SUPT5H: variants seen among roughly 807,000 people sequenced by gnomAD.
SUPT5H encodes transcription elongation factor SPT5.
SUPT5H carries 24 observed loss-of-function variants against 142.5 expected under a neutral mutation model. The ratio of observed to expected loss-of-function variants is 0.17; its 90% CI spans 0.12 to 0.24. The LOEUF is 0.24. SUPT5H is among the 10% of genes least tolerant of loss of function. SUPT5H has a pLI of 1.00. For synonymous variants in SUPT5H, 546 were observed against 553.0 expected, an observed-to-expected ratio of 0.99 and a Z score of 0.18; for missense variants, 893 against 1,471.8, an observed-to-expected ratio of 0.61 and a Z score of 6.43.
Position 39,466,756 on chromosome 19 carries a change from T to C in SUPT5H, c.1037+11T>C, listed in dbSNP as rs766394627. 1.2e-6 allele frequency: 2 copies of C among 1,614,074 alleles called. No individual in the cohort carries two copies. The highest frequency in any genetic ancestry group is 2.2e-5 in the East Asian group (1 of 44,872). The stretch of plus-strand genomic sequence containing the variant: ...TGCTGAGAAGATCAGGTGCGTGTCC[T>C]TGGGGACTGGCTGGGCTGGGTCCCC... On this transcript the variant is annotated intron_variant, in intron 13 of 29. Coordinates refer to ENST00000432763, the MANE Select transcript of SUPT5H (RefSeq NM_001111020.3). The surrounding 1 kb of genome is among the most constrained non-coding windows in gnomAD (Gnocchi z 4.3).
At position 39,466,596 on chromosome 19, in the gene SUPT5H, G is replaced by T. The variant is rs4803243; in HGVS notation, c.966+27G>T. 56 of 1,613,500 alleles carry T rather than the reference G, an allele frequency of 3.5e-5. No individual in the cohort carries two copies. The highest frequency in any genetic ancestry group is 4.6e-5 in the Non-Finnish European group (54 of 1,179,552). ...TACTCAGGGGAATCTGTGGCCTGGG[G>T]GGGAGGGAGTGTGCTCGATCCCACT... On this transcript the variant is annotated intron_variant, in intron 12 of 29. Coordinates refer to ENST00000432763, the MANE Select transcript of SUPT5H (RefSeq NM_001111020.3). This position sits in a 1 kb window ranked among gnomAD's most constrained non-coding sequence, Gnocchi z 4.3.
intron 3 of SUPT5H, among the ~76,000 whole-genome samples, chr19:39,454,071 C>G (rs2146082230): frequency 6.6e-6 from 1 of 152,254 alleles, no homozygotes; most frequent in East Asian, 1.9e-4. Context: ...TGTAGGTAGT[C>G]TGAGAATCTA....
At chr19:39,464,753 C>G in intron 10 of SUPT5H, 45 bp from the exon 11 acceptor site, 1 of 1,549,192 alleles carries the variant, frequency 6.5e-7, no homozygotes, top group Non-Finnish European at 8.7e-7. Flanking sequence ...CTGTTATTAG[C>G]CGTTGTGTCT....
intron 13 of SUPT5H, 27 bp from the exon 14 acceptor site, chr19:39,468,729 A>C (rs772599721): frequency 1.2e-6 from 2 of 1,601,476 alleles, no homozygotes; most frequent in Admixed American, 1.7e-5. Flanking sequence ...TCTCCCTTCT[A>C]ATCTTCTCTC....
chr19:39,447,382 C>G (rs2078967132), intron 2 of SUPT5H, among the ~76,000 whole-genome samples: 2 of 151,714 alleles, frequency 1.3e-5, no homozygotes, highest in South Asian at 4.2e-4. Flanking sequence ...TACCTCTGTT[C>G]CAGGAACCAA....
At position 39,458,051 on chromosome 19, in the gene SUPT5H, T is replaced by G; in HGVS notation, c.308-243T>G. The G allele has an allele frequency of 1.3e-6, 1 of 743,196 alleles. No homozygotes were observed. Among genetic ancestry groups the G allele is most frequent in the Non-Finnish European group, 2.2e-6 (1 of 461,544 alleles). The allele number at this position is 743,196 out of a possible 1,614,324, so 46.0% of individuals were successfully genotyped here. A position where few individuals can be genotyped will look rare whatever the true frequency, so the allele number is the denominator to read the frequency against. ...AGATACCCCCCACTTCCTGGGCCAG[T>G]GCCCCCCTTTCCCCGTTATTTTCCG... On this transcript the variant is annotated intron_variant, in intron 4 of 29. Coordinates refer to ENST00000432763, the MANE Select transcript of SUPT5H (RefSeq NM_001111020.3). The surrounding 1 kb of genome is among the most constrained non-coding windows in gnomAD (Gnocchi z 4.2).
chr19:39,448,097 T>C (rs2078975804), intron 2 of SUPT5H, among the ~76,000 whole-genome samples: 1 of 152,226 alleles, frequency 6.6e-6, no homozygotes, highest in Non-Finnish European at 1.5e-5. Flanking sequence ...GGGAATTTTC[T>C]CCAGTTCCCA....
At chr19:39,460,064 C>G (rs569207600) in intron 10 of SUPT5H, 104 bp downstream of exon 10, 1 of 1,207,096 alleles carries the variant, frequency 8.3e-7, no homozygotes. Context: ...GTGAGCAGAG[C>G]TGCCTGCTGA....
rs190824147 is a variant in SUPT5H, at chr19:39,474,134, G to T, written c.2651+13G>T. 5,152 of 1,602,248 alleles carry T rather than the reference G, an allele frequency of 3.2e-3. 8 individuals are homozygous for T. Among genetic ancestry groups the T allele is most frequent in the Non-Finnish European group, 4.1e-3 (4,845 of 1,173,432 alleles). On this transcript the variant is annotated intron_variant, in intron 26 of 29. Coordinates refer to ENST00000432763, the MANE Select transcript of SUPT5H (RefSeq NM_001111020.3). The surrounding 1 kb of genome is among the most constrained non-coding windows in gnomAD (Gnocchi z 6.5). The stretch of plus-strand genomic sequence containing the variant: ...GGACGCCGGCCATGTGAGTCCACTG[G>T]GGCCTGCCCTCGTCTACCCCTGCCC...
At chr19:39,449,118 C>T (rs2078989019) in intron 2 of SUPT5H, among the ~76,000 whole-genome samples, 1 of 151,644 alleles carries the variant, frequency 6.6e-6, no homozygotes, top group African/African-American at 2.4e-5. Flanking sequence ...AACAAATGTT[C>T]CTTGACTTGG....
chr19:39,453,478 C>T lies in SUPT5H; in HGVS notation c.198C>T (p.Pro66=), dbSNP rs1013411198. The change falls in exon 3 of 30, where the codon CCC becomes CCT. Residue 66 remains proline (P), a synonymous_variant. Coordinates refer to ENST00000432763, the MANE Select transcript of SUPT5H (RefSeq NM_001111020.3). The part of the protein sequence containing the change: ...EEEEEEDDDR[P]PKKPRHGGFI... ...AGGAGGAAGAAGATGATGACCGACC[C>T]CCCAAGAAACCCCGCCATGGAGGCT... 6.5e-7 allele frequency: 1 copy of T among 1,549,882 alleles called. No homozygotes were observed. Among genetic ancestry groups the T allele is most frequent in the Non-Finnish European group, 8.7e-7 (1 of 1,145,876 alleles).
chr19:39,464,672 T>C, intron 10 of SUPT5H, 126 bp from the exon 11 acceptor site: 3 of 1,381,130 alleles, frequency 2.2e-6, no homozygotes, highest in Non-Finnish European at 2.9e-6. Flanking sequence ...TTTGTGTCCA[T>C]GTCATTGTGC....
At position 39,470,592 on chromosome 19, in the gene SUPT5H, T is replaced by C; in HGVS notation, c.1677+69T>C. 1.4e-6 allele frequency: 2 copies of C among 1,449,748 alleles called. No homozygotes were observed. Among genetic ancestry groups the C allele is most frequent in the South Asian group, 3.1e-5 (2 of 64,924 alleles). 89.8% of individuals were successfully genotyped at this position (1,449,748 alleles called of 1,614,324 possible). On this transcript the variant is annotated intron_variant, in intron 18 of 29. Coordinates refer to ENST00000432763, the MANE Select transcript of SUPT5H (RefSeq NM_001111020.3). The surrounding 1 kb of genome is among the most constrained non-coding windows in gnomAD (Gnocchi z 5.8). ...CTTCCTGTCCCTCAACCCCTCATCCTGGGAGGTGGCAGAGCCCCCAGACTG... is the reference window on the plus strand; with the variant it reads ...CTTCCTGTCCCTCAACCCCTCATCCCGGGAGGTGGCAGAGCCCCCAGACTG...
chr19:39,471,558 G>A (rs1406522168), intron 19 of SUPT5H, 47 bp from the exon 20 acceptor site: 3 of 1,613,754 alleles, frequency 1.9e-6, no homozygotes, highest in African/African-American at 2.7e-5. Context: ...GTTGGTTGGG[G>A]GTGAGGGGGA....
Position 39,445,856 on chromosome 19 carries a change from G to T in SUPT5H, c.-35G>T, listed in dbSNP as rs527995446. On this transcript the variant is annotated 5_prime_UTR_variant, in exon 2 of 30. Coordinates refer to ENST00000432763, the MANE Select transcript of SUPT5H (RefSeq NM_001111020.3). ...GGTGGAGCGCAGGATTGTGGGACGC[G>T]CCAAGGCTGCTGTCTTTCCCAGCAG... 4 of 1,608,530 alleles carry T rather than the reference G, an allele frequency of 2.5e-6. No homozygotes were observed. The highest frequency in any genetic ancestry group is 3.4e-6 in the Non-Finnish European group (4 of 1,178,088).
Position 39,476,273 on chromosome 19 carries a change from C to A in SUPT5H, c.3138C>A (p.Gly1046=). ...ACCCCCAGGTGAAAGTGATCCTGGG[C>A]GAGGATCGGGAAGCCACGGGCGTCC... is the stretch of plus-strand genomic sequence containing the variant. ...TKNNKVKVIL[G]EDREATGVLL... Residue 1046 remains glycine, a synonymous_variant, in exon 30 of 30, where the codon GGC becomes GGA. Transcript: ENST00000432763. The A allele has an allele frequency of 6.2e-7, 1 of 1,614,002 alleles. No homozygotes were observed. Among genetic ancestry groups the A allele is most frequent in the Non-Finnish European group, 8.5e-7 (1 of 1,179,974 alleles).
intron 2 of SUPT5H, among the ~76,000 whole-genome samples, chr19:39,451,779 G>A (rs1237602457): frequency 1.3e-5 from 2 of 152,160 alleles, no homozygotes; most frequent in Non-Finnish European, 2.9e-5. Flanking sequence ...TGATCCACCC[G>A]CTTTGGCCTC....
In SUPT5H at chr19:39,471,822, T is replaced by G. The variant is rs537240053; in HGVS notation, c.1950+92T>G. 339 of 1,499,746 alleles carry G rather than the reference T, an allele frequency of 2.3e-4. 1 individual carries two copies. Among genetic ancestry groups the G allele is most frequent in the African/African-American group, 2.1e-3 (149 of 71,818 alleles). 92.9% of individuals were successfully genotyped at this position (1,499,746 alleles called of 1,614,324 possible). ...CCCAGAAGTGATAAGATTGGGCTTG[T>G]GAGGGATTAGGAGAGCAGTGTCATT... On this transcript the variant is annotated intron_variant, in intron 20 of 29. Transcript: ENST00000432763.
chr19:39,475,130 A>G (rs1047776031), intron 28 of SUPT5H: 6 of 207,486 alleles, frequency 2.9e-5, no homozygotes, highest in Non-Finnish European at 5.9e-5. Flanking sequence ...CTGTAATCCC[A>G]GCACTCTGGG....
Sources: allele counts gnomAD v4.1 joint callset (sites outside exome capture counted in the v4.1 genomes callset), GRCh38; gene constraint gnomAD v4.1.1; non-coding constraint Gnocchi (gnomAD v3.1); transcripts MANE v1.5; gene names NCBI Gene and HGNC (gene_info 2026-07-23, HGNC 2026-07-21).